PCDH1: variants seen among roughly 807,000 people sequenced by gnomAD.
PCDH1 encodes the protein protocadherin-1.
A neutral mutation model predicts 74.6 loss-of-function variants in PCDH1; 23 were observed. That is an observed-to-expected ratio of 0.31 (90% CI 0.22 to 0.44). The LOEUF is 0.44. Among genes scored for constraint, PCDH1 ranks in the 20% least tolerant of loss-of-function variants. The pLI is 1.00. For missense variants in PCDH1, 1,214 were observed against 1,641.4 expected, an observed-to-expected ratio of 0.74 and a Z score of 4.50; for synonymous variants, 647 against 686.1, an observed-to-expected ratio of 0.94 and a Z score of 0.89.
chr5:141,873,845 G>A (rs916864344), intron 1 of PCDH1, among the ~76,000 whole-genome samples: 1 of 152,116 alleles, frequency 6.6e-6, no homozygotes, highest in Non-Finnish European at 1.5e-5. Flanking sequence ...TCAGTACTAA[G>A]CATTTTACAC....
chr5:141,854,399 T>TCA lies in PCDH1; in HGVS notation c.3356_3357insTG (p.Cys1120AspfsTer95), dbSNP rs2126800815. The stretch of plus-strand genomic sequence containing the variant: ...CAAACTCACTGCACTCCCGGGTACA[T>TCA]GTGCCTGTCATGGCGACATCAGGCA... On this transcript the variant is annotated frameshift_variant, in exon 5 of 5. Transcript: ENST00000287008. LOFTEE classifies it high-confidence loss of function. 1.2e-6 allele frequency: 2 copies of TCA among 1,612,920 alleles called. No individual in the cohort carries two copies. Among genetic ancestry groups the TCA allele is most frequent in the Non-Finnish European group, 8.5e-7 (1 of 1,179,700 alleles).
intron 1 of PCDH1, among the ~76,000 whole-genome samples, chr5:141,874,473 C>A (rs981396614): frequency 1.3e-5 from 2 of 152,214 alleles, no homozygotes; most frequent in African/African-American, 4.8e-5. Context: ...GAAGCCAGAG[C>A]CTGAGGGGGA....
chr5:141,855,915 C>G (rs1752317096), intron 4 of PCDH1, among the ~76,000 whole-genome samples: 1 of 152,108 alleles, frequency 6.6e-6, no homozygotes, highest in African/African-American at 2.4e-5. Context: ...TCACAGCTGT[C>G]CCTGTCCTGC....
In PCDH1 at chr5:141,865,833, G is replaced by A. The variant is rs944593380; in HGVS notation, c.904-406C>T. On this transcript the variant is annotated intron_variant, in intron 2 of 4. Coordinates refer to ENST00000287008, the MANE Select transcript of PCDH1 (RefSeq NM_032420.5). This position sits in a 1 kb window ranked among gnomAD's most constrained non-coding sequence, Gnocchi z 4.4. ...CCCTCCTGAAGAGATGGAGAGGTGC[G>A]AGTAGTAGAGGCGGTGTGTGTGCCC... Among the ~76,000 whole-genome samples the A allele has an allele frequency of 1.3e-5, 2 of 152,372 alleles. No individual in the cohort carries two copies. The highest frequency in any genetic ancestry group is 1.9e-4 in the East Asian group (1 of 5,188).
intron 2 of PCDH1, among the ~76,000 whole-genome samples, chr5:141,867,931 G>C (rs750830474): frequency 3.3e-5 from 5 of 152,220 alleles, no homozygotes; most frequent in Non-Finnish European, 7.3e-5. Flanking sequence ...GGGGTGCTGA[G>C]AACTTCAACA....
chr5:141,866,812 T>C (rs983374372), intron 2 of PCDH1, among the ~76,000 whole-genome samples: 3 of 152,168 alleles, frequency 2.0e-5, no homozygotes, highest in South Asian at 2.1e-4. Flanking sequence ...AGCATGTATT[T>C]CTTTTTGTCT....
Position 141,868,489 on chromosome 5 carries a change from A to C in PCDH1, c.903+80T>G. 1 of 1,505,390 alleles carries C rather than the reference A, an allele frequency of 6.6e-7. No individual in the cohort carries two copies. 93.3% of individuals were successfully genotyped at this position (1,505,390 alleles called of 1,614,324 possible). ...TTCTGGCAGTTTTTCCCCTAAGTGA[A>C]GGGAACTCTCACCTGGTTGGGTGGG... On this transcript the variant is annotated intron_variant, in intron 2 of 4. Coordinates refer to ENST00000287008, the MANE Select transcript of PCDH1 (RefSeq NM_032420.5). The surrounding 1 kb of genome is among the most constrained non-coding windows in gnomAD (Gnocchi z 4.8).
rs1752734410 is a variant in PCDH1 at position 141,864,648 on chromosome 5, A to G, written c.1683T>C (p.Thr561=). ...GAGATGTCTTCACCTGGATCTCTCC[A>G]GTCTCGGGTGAGATGGTGAAGAGGC... The part of the protein sequence containing the change: ...AKGLFTISPE[T]GEIQVKTSLD... Residue 561 remains threonine (T), a synonymous_variant, in exon 3 of 5, where the codon ACT becomes ACC. Coordinates refer to ENST00000287008, the MANE Select transcript of PCDH1 (RefSeq NM_032420.5). The surrounding 1 kb of genome is among the most constrained non-coding windows in gnomAD (Gnocchi z 5.9). 1.9e-6 allele frequency: 3 copies of G among 1,613,592 alleles called. No homozygotes were observed. Among genetic ancestry groups the G allele is most frequent in the Non-Finnish European group, 2.5e-6 (3 of 1,179,996 alleles).
intron 4 of PCDH1, chr5:141,856,188 C>T (rs1392961164): frequency 2.6e-6 from 4 of 1,533,078 alleles, no homozygotes; most frequent in Non-Finnish European, 2.6e-6. Context: ...GGGCAGAGTC[C>T]CACAGACCCC....
At chr5:141,858,868 C>A (rs1347722577) in intron 3 of PCDH1, among the ~76,000 whole-genome samples, 2 of 152,068 alleles carry the variant, frequency 1.3e-5, no homozygotes, top group East Asian at 3.9e-4. Context: ...GGGAGGTGGC[C>A]CTGGCTTTGT....
At position 141,863,584 on chromosome 5, in the gene PCDH1, C is replaced by T. The variant is rs1208631681; in HGVS notation, c.2747G>A (p.Ser916Asn). The T allele has an allele frequency of 6.2e-7, 1 of 1,614,186 alleles. No homozygotes were observed. The change falls in exon 3 of 5, where the codon AGC becomes AAC. Residue 916 changes from serine (S) to asparagine (N), a missense_variant. Coordinates refer to ENST00000287008, the MANE Select transcript of PCDH1 (RefSeq NM_032420.5). This position sits in a 1 kb window ranked among gnomAD's most constrained non-coding sequence, Gnocchi z 7.5. ...SKGNKSKGKK[S>N]KSPKPVKPVE... ...TGGCTTCACGGGCTTTGGGGACTTG[C>T]TCTTCTTGCCTTTGCTTTTGTTTCC... is the stretch of plus-strand genomic sequence containing the variant.
chr5:141,876,661 GCTC>G (rs1223982754), intron 1 of PCDH1, among the ~76,000 whole-genome samples: 1 of 152,206 alleles, frequency 6.6e-6, no homozygotes, highest in African/African-American at 2.4e-5. Flanking sequence ...TACAAATTCT[GCTC>G]CTATGCCTGC....
At chr5:141,860,817 C>T (rs1168072044) in intron 3 of PCDH1, among the ~76,000 whole-genome samples, 1 of 151,992 alleles carries the variant, frequency 6.6e-6, no homozygotes, top group African/African-American at 2.4e-5. Flanking sequence ...AGTAAGGACT[C>T]AAAAAATGGA....
In PCDH1 at chr5:141,865,329, C is replaced by A. The variant is rs1321161297; in HGVS notation, c.1002G>T (p.Arg334Ser). ...EVVRRLLRLD[R>S]NTGLITVQGP... ...CCTGAACAGTGATAAGTCCAGTGTT[C>A]CTGTCCAGTCGAAGAAGACGCCTCA... The change falls in exon 3 of 5, where the codon AGG (arginine) becomes AGT (serine). Residue 334 changes from arginine to serine, a missense_variant. Physicochemically the swap from Arg to Ser is moderately radical, Grantham distance 110. This residue lies in a region of PCDH1 where 836 missense variants were observed against 1,182.2 expected (regional missense o/e 0.71). Transcript: ENST00000287008. The surrounding 1 kb of genome is among the most constrained non-coding windows in gnomAD (Gnocchi z 4.4). 1 of 1,614,052 alleles carries A rather than the reference C, an allele frequency of 6.2e-7. No homozygotes were observed. Among genetic ancestry groups the A allele is most frequent in the Non-Finnish European group, 8.5e-7 (1 of 1,180,046 alleles).
At chr5:141,856,179 G>A in intron 4 of PCDH1, 3 of 1,525,766 alleles carry the variant, frequency 2.0e-6, no homozygotes, top group East Asian at 4.9e-5. Context: ...CTGGGTGCTG[G>A]GCAGAGTCCC....
chr5:141,874,555 A>G (rs544948326), intron 1 of PCDH1, among the ~76,000 whole-genome samples: 7 of 152,216 alleles, frequency 4.6e-5, no homozygotes, highest in Non-Finnish European at 1.0e-4. Flanking sequence ...GTAAGGGATA[A>G]GGAGGGGACG....
chr5:141,869,512 C>T lies in PCDH1; in HGVS notation c.41-81G>A, dbSNP rs1753031143. 3 of 1,555,940 alleles carry T rather than the reference C, an allele frequency of 1.9e-6. No homozygotes were observed. The highest frequency in any genetic ancestry group is 2.6e-6 in the Non-Finnish European group (3 of 1,158,192). On this transcript the variant is annotated intron_variant, in intron 1 of 4. Transcript: ENST00000287008. The surrounding 1 kb of genome is among the most constrained non-coding windows in gnomAD (Gnocchi z 4.9). ...TGAGCTGCCCAGAGCTGGCCCCATA[C>T]TCACCCTCTCCCACTGACACACGAT...
rs1034432170 is a variant in PCDH1 at position 141,868,036 on chromosome 5, C to T, written c.903+533G>A. Among the ~76,000 whole-genome samples the T allele has an allele frequency of 5.3e-5, 8 of 152,202 alleles. No individual in the cohort carries two copies. Among genetic ancestry groups the T allele is most frequent in the Admixed American group, 4.6e-4 (7 of 15,282 alleles). On this transcript the variant is annotated intron_variant, in intron 2 of 4. Transcript: ENST00000287008. The surrounding 1 kb of genome is among the most constrained non-coding windows in gnomAD (Gnocchi z 4.8). The stretch of plus-strand genomic sequence containing the variant: ...GGGAGGAGGCATGTATACAGACACC[C>T]TAGTATGTTTTTTCAGAACTCTGAG...
intron 2 of PCDH1, among the ~76,000 whole-genome samples, chr5:141,866,882 G>C (rs1752864549): frequency 2.0e-5 from 3 of 152,120 alleles, no homozygotes; most frequent in Admixed American, 1.3e-4. Context: ...ATGCAGTAGT[G>C]GGCACTGCAC....
Sources: allele counts gnomAD v4.1 joint callset (sites outside exome capture counted in the v4.1 genomes callset), GRCh38; gene constraint gnomAD v4.1.1; regional missense constraint gnomAD v4.1.1; non-coding constraint Gnocchi (gnomAD v3.1); transcripts MANE v1.5; gene names NCBI Gene and HGNC (gene_info 2026-07-23, HGNC 2026-07-21).